Variants in MYO3B observed in about 807,000 individuals in gnomAD.
MYO3B encodes myosin-IIIb.
A neutral mutation model predicts 174.6 loss-of-function variants in MYO3B; 156 were observed. The observed-to-expected ratio is 0.89, with a 90% CI of 0.78 to 1.02. The LOEUF is 1.02. Ranked by LOEUF, MYO3B falls within the 50% of genes least tolerant of loss-of-function variation. MYO3B has a pLI of 0.00. For missense variants in MYO3B, 1,632 were observed against 1,639.4 expected, an observed-to-expected ratio of 1.00 and a Z score of 0.08; for synonymous variants, 563 against 569.1, an observed-to-expected ratio of 0.99 and a Z score of 0.15.
chr2:170,394,641 G>T (rs1427897502), intron 16 of MYO3B, among the ~76,000 whole-genome samples: 1 of 152,212 alleles, frequency 6.6e-6, no homozygotes, highest in African/African-American at 2.4e-5. Context: ...TGTTATGTGT[G>T]TATATTTTCA....
chr2:170,554,581 T>A (rs1249737497), intron 32 of MYO3B, among the ~76,000 whole-genome samples: 2 of 152,256 alleles, frequency 1.3e-5, no homozygotes, highest in African/African-American at 4.8e-5. Context: ...CTGTTCTCAT[T>A]CCTGCGACTC....
In MYO3B at chr2:170,515,603, T is replaced by C. The variant is rs545165103; in HGVS notation, c.3472+581T>C. ...TCATGGTTTTCAAACATTTTTAAAATATTGCAGTCTCACCCTTTTGAATTT... is the reference window on the plus strand; with the variant it reads ...TCATGGTTTTCAAACATTTTTAAAACATTGCAGTCTCACCCTTTTGAATTT... On this transcript the variant is annotated intron_variant, in intron 29 of 34. Coordinates refer to ENST00000408978, the MANE Select transcript of MYO3B (RefSeq NM_138995.5). 1.1e-3 allele frequency among the ~76,000 whole-genome samples: 164 copies of C among 152,234 alleles called. No homozygotes were observed. In the South Asian group the frequency reaches 0.011, roughly 11 times the overall value.
At chr2:170,407,204 G>A (rs1470174064) in intron 21 of MYO3B, among the ~76,000 whole-genome samples, 11 of 152,198 alleles carry the variant, frequency 7.2e-5, no homozygotes, top group African/African-American at 1.4e-4. Flanking sequence ...GCTAACACCT[G>A]TAATCCCAGC....
intron 30 of MYO3B, 148 bp downstream of exon 30, chr2:170,519,688 A>G (rs1474135830): frequency 5.9e-6 from 4 of 680,412 alleles, no homozygotes; most frequent in East Asian, 3.0e-5. Context: ...AAGCGTTTCC[A>G]GGGCTGGGCG....
chr2:170,209,065 G>C (rs1384792399), intron 3 of MYO3B, among the ~76,000 whole-genome samples: 3 of 152,152 alleles, frequency 2.0e-5, no homozygotes, highest in East Asian at 1.9e-4. Context: ...GATAAGGCCA[G>C]TTTTCCCAAG....
At chr2:170,567,952 A>G (rs1461339014) in intron 32 of MYO3B, among the ~76,000 whole-genome samples, 1 of 152,222 alleles carries the variant, frequency 6.6e-6, no homozygotes, top group East Asian at 1.9e-4. Flanking sequence ...ACATTTTATA[A>G]TGGAACTTCA....
intron 22 of MYO3B, chr2:170,412,013 TC>T (rs1221160836): frequency 6.6e-6 from 1 of 152,256 alleles, no homozygotes; most frequent in East Asian, 1.9e-4. Context: ...TTGTAATACT[TC>T]CTATTGATAG....
chr2:170,360,659 A>G (rs2094153749), intron 8 of MYO3B, among the ~76,000 whole-genome samples: 1 of 152,170 alleles, frequency 6.6e-6, no homozygotes, highest in Non-Finnish European at 1.5e-5. Flanking sequence ...TGGCTTTGTG[A>G]TAGTATTAAG....
chr2:170,583,780 T>C (rs186491026), intron 32 of MYO3B, among the ~76,000 whole-genome samples: 18 of 152,300 alleles, frequency 1.2e-4, no homozygotes, highest in Admixed American at 3.9e-4. Context: ...TGAGAGAAGT[T>C]TAGCTCCTTG....
At chr2:170,263,053 G>A (rs973317572) in intron 7 of MYO3B, among the ~76,000 whole-genome samples, 2 of 152,176 alleles carry the variant, frequency 1.3e-5, no homozygotes, top group African/African-American at 4.8e-5. Context: ...TAAAAAATTG[G>A]AGCGACTAAG....
chr2:170,513,390 C>T (rs1688101484), intron 28 of MYO3B, among the ~76,000 whole-genome samples: 1 of 152,158 alleles, frequency 6.6e-6, no homozygotes, highest in Non-Finnish European at 1.5e-5. Flanking sequence ...CCTGGCAATC[C>T]TTGGCCTTCC....
chr2:170,538,558 C>G (rs1006280304), intron 30 of MYO3B, among the ~76,000 whole-genome samples: 2 of 152,224 alleles, frequency 1.3e-5, no homozygotes, highest in Non-Finnish European at 1.5e-5. Flanking sequence ...CAGCCAGCTA[C>G]TCAGGAGCCA....
rs777255359 is a variant in MYO3B, at chr2:170,405,565, C to T, written c.2452C>T (p.Arg818Ter). ...TLVDKFEDNL[R>*]CKYFWRPKGV... ...CACAGATAAATTTGAAGATAATCTA[C>T]GATGCAAATACTTCTGGAGGCCCAA... Residue 818 changes from arginine (R) to a stop codon, truncating the protein, a stop_gained, in exon 21 of 35, where the codon CGA becomes TGA. Coordinates refer to ENST00000408978, the MANE Select transcript of MYO3B (RefSeq NM_138995.5). LOFTEE classifies it high-confidence loss of function. 41 of 1,613,974 alleles carry T rather than the reference C, an allele frequency of 2.5e-5. No homozygotes were observed. Among genetic ancestry groups the T allele is most frequent in the Admixed American group, 8.3e-5 (5 of 60,010 alleles).
At chr2:170,449,008 C>T (rs1257181774) in intron 23 of MYO3B, among the ~76,000 whole-genome samples, 1 of 152,132 alleles carries the variant, frequency 6.6e-6, no homozygotes, top group East Asian at 1.9e-4. Context: ...TCAGATTGTA[C>T]TTTTAAAGCC....
At chr2:170,342,695 A>G (rs1415935553) in intron 8 of MYO3B, among the ~76,000 whole-genome samples, 1 of 152,134 alleles carries the variant, frequency 6.6e-6, no homozygotes, top group Non-Finnish European at 1.5e-5. Flanking sequence ...TGTTCTCTAC[A>G]TGTTGTATAA....
chr2:170,230,336 ATTTTTTTT>A (rs60171555), intron 6 of MYO3B, among the ~76,000 whole-genome samples: 32 of 64,722 alleles, frequency 4.9e-4, no homozygotes, highest in Admixed American at 2.1e-3. Context: ...CGCCTGGCTA[ATTTTTTTT>A]TTTTTTTTTT....
At position 170,335,439 on chromosome 2, in the gene MYO3B, C is replaced by G; in HGVS notation, c.804C>G (p.His268Gln). 2 of 1,611,768 alleles carry G rather than the reference C, an allele frequency of 1.2e-6. No homozygotes were observed. The highest frequency in any genetic ancestry group is 1.1e-5 in the South Asian group (1 of 90,588). Residue 268 changes from histidine to glutamine, a missense_variant, in exon 8 of 35, where the codon CAC becomes CAG. By Grantham distance (24) the His-to-Gln change is conservative. Transcript: ENST00000408978. Reference protein sequence around the residue: ...HPEKWCEEFNHFISQCLIKDF... With the variant: ...HPEKWCEEFNQFISQCLIKDF... Reference sequence around the variant, plus strand: ...AAAAATGGTGTGAAGAATTCAACCACTTTATTTCACAGTGAGTATTTCTTC... The same window carrying G: ...AAAAATGGTGTGAAGAATTCAACCAGTTTATTTCACAGTGAGTATTTCTTC...
intron 23 of MYO3B, among the ~76,000 whole-genome samples, chr2:170,462,425 C>G (rs572459916): frequency 3.4e-4 from 52 of 152,362 alleles, no homozygotes; most frequent in Non-Finnish European, 5.9e-4. Flanking sequence ...CTCCCACATA[C>G]TCCTTTAGGC....
At chr2:170,582,634 G>A (rs1372792508) in intron 32 of MYO3B, among the ~76,000 whole-genome samples, 1 of 151,982 alleles carries the variant, frequency 6.6e-6, no homozygotes, top group Admixed American at 6.6e-5. Context: ...TGCCACCCTA[G>A]CCTTCCTCTA....
Sources: allele counts gnomAD v4.1 joint callset (sites outside exome capture counted in the v4.1 genomes callset), GRCh38; gene constraint gnomAD v4.1.1; transcripts MANE v1.5; gene names NCBI Gene and HGNC (gene_info 2026-07-23, HGNC 2026-07-21).